PRCP: variants seen among roughly 807,000 people sequenced by gnomAD.
PRCP encodes lysosomal Pro-X carboxypeptidase.
PRCP carries 46 observed loss-of-function variants against 54.2 expected under a neutral mutation model. The observed-to-expected ratio is 0.85, with a 90% CI of 0.67 to 1.09. PRCP has a LOEUF of 1.09. Among genes scored for constraint, PRCP ranks in the 50% least tolerant of loss-of-function variants. The probability of loss-of-function intolerance (pLI) is 0.00; values close to 1 mark genes in which losing one functional copy is unlikely to be tolerated. For synonymous variants in PRCP, 240 were observed against 212.2 expected, an observed-to-expected ratio of 1.13 and a Z score of -1.14; for missense variants, 613 against 596.8, an observed-to-expected ratio of 1.03 and a Z score of -0.28.
At chr11:82,890,544 C>A (rs1054497792) in intron 1 of PRCP, among the ~76,000 whole-genome samples, 14 of 152,176 alleles carry the variant, frequency 9.2e-5, no homozygotes, top group Admixed American at 7.9e-4. Context: ...TTTCCCTTAG[C>A]ATACATTCGA....
At chr11:82,900,660 G>A (rs780158216), upstream of PRCP, 2 of 640,932 alleles carry the variant, frequency 3.1e-6, no homozygotes, top group South Asian at 3.0e-5. Context: ...CCTTCATTGC[G>A]GTCACACCCC....
At chr11:82,875,557 T>A (rs1859583360) in intron 1 of PRCP, among the ~76,000 whole-genome samples, 1 of 152,212 alleles carries the variant, frequency 6.6e-6, no homozygotes, top group Admixed American at 6.5e-5. Flanking sequence ...AAGACAAGGC[T>A]CTTTCATCGT....
intron 6 of PRCP, among the ~76,000 whole-genome samples, chr11:82,848,582 T>C (rs1017861019): frequency 6.6e-6 from 1 of 152,230 alleles, no homozygotes; most frequent in African/African-American, 2.4e-5. Flanking sequence ...GGGGTCACTC[T>C]TCACACTGAG....
chr11:82,829,113 C>G (rs1024540743), intron 8 of PRCP: 4 of 152,308 alleles, frequency 2.6e-5, no homozygotes, highest in Middle Eastern at 6.8e-3. Context: ...AGCCTTTTAA[C>G]TGATCTTCCT....
At chr11:82,881,049 C>A (rs1475151998) in intron 1 of PRCP, among the ~76,000 whole-genome samples, 1 of 152,174 alleles carries the variant, frequency 6.6e-6, no homozygotes, top group East Asian at 1.9e-4. Context: ...GCTTTTGCTT[C>A]CAGGTCTTAC....
chr11:82,835,840 C>T, intron 8 of PRCP: 1 of 501,296 alleles, frequency 2.0e-6, no homozygotes, highest in East Asian at 5.5e-5. Context: ...AGGACCTTGA[C>T]ATTATGCTTG....
At chr11:82,893,593 A>C (rs1486182166) in intron 1 of PRCP, among the ~76,000 whole-genome samples, 1 of 152,122 alleles carries the variant, frequency 6.6e-6, no homozygotes, top group African/African-American at 2.4e-5. Flanking sequence ...AGAGTTCAAG[A>C]CCAGCCTGGG....
rs190839493 is a variant in PRCP at position 82,833,023 on chromosome 11, C to T, written c.1274+5364G>A. 1.4e-4 allele frequency among the ~76,000 whole-genome samples: 21 copies of T among 152,272 alleles called. No homozygotes were observed. In the East Asian group the frequency reaches 3.9e-3, roughly 28 times the overall value. ...GACTTGCCACTGCTAAAAGATAAACCAGCATCTTTACACAGTCTTGCCTTT... is the reference window on the plus strand; with the variant it reads ...GACTTGCCACTGCTAAAAGATAAACTAGCATCTTTACACAGTCTTGCCTTT... On this transcript the variant is annotated intron_variant, in intron 8 of 8. Coordinates refer to ENST00000313010, the MANE Select transcript of PRCP (RefSeq NM_005040.4).
In PRCP at chr11:82,838,445, A is replaced by G. The variant is rs1437186759; in HGVS notation, c.1216T>C (p.Trp406Arg). 2 of 1,613,946 alleles carry G rather than the reference A, an allele frequency of 1.2e-6. No individual in the cohort carries two copies. The highest frequency in any genetic ancestry group is 1.7e-6 in the Non-Finnish European group (2 of 1,179,954). Reference sequence around the variant, plus strand: ...TTGCCTCCATACATAGTAGTGATCCAGGAGGGCCTTGGTCTCACACCCCAC... The same window carrying G: ...TTGCCTCCATACATAGTAGTGATCCGGGAGGGCCTTGGTCTCACACCCCAC... Reference protein sequence around the residue: ...QQWGVRPRPSWITTMYGGKNI... With the variant: ...QQWGVRPRPSRITTMYGGKNI... Residue 406 changes from tryptophan to arginine, a missense_variant, in exon 8 of 9, where the codon TGG (tryptophan) becomes CGG (arginine). Trp to Arg is a moderately radical substitution (Grantham distance 101). Transcript: ENST00000313010.
intron 1 of PRCP, among the ~76,000 whole-genome samples, chr11:82,864,221 C>A (rs1010340763): frequency 6.6e-6 from 1 of 152,208 alleles, no homozygotes; most frequent in Non-Finnish European, 1.5e-5. Context: ...GAGTGCTTCA[C>A]CTAGGTGCTA....
chr11:82,841,750 A>AT (rs1802770954), intron 6 of PRCP, among the ~76,000 whole-genome samples: 1 of 152,174 alleles, frequency 6.6e-6, no homozygotes, highest in Non-Finnish European at 1.5e-5. Context: ...GCAACTCTCG[A>AT]TTTTTCATGG....
At chr11:82,844,501 C>T (rs1295244203) in intron 6 of PRCP, among the ~76,000 whole-genome samples, 2 of 152,046 alleles carry the variant, frequency 1.3e-5, no homozygotes, top group African/African-American at 4.8e-5. Context: ...CTTTGGGAGG[C>T]TGAGGCGGGT....
Position 82,825,056 on chromosome 11 carries a change from T to A in PRCP, c.1341A>T (p.Ala447=). The change falls in exon 9 of 9, where the codon GCA becomes GCT. Residue 447 remains alanine (A), a synonymous_variant. Coordinates refer to ENST00000313010, the MANE Select transcript of PRCP (RefSeq NM_005040.4). Reference sequence around the variant, plus strand: ...GGTGGGCCCCCTCTGAGATGGTGACTGCAACCAGAGTGTCTGTGATATCCT... The same window carrying A: ...GGTGGGCCCCCTCTGAGATGGTGACAGCAACCAGAGTGTCTGTGATATCCT... ...VTKDITDTLV[A]VTISEGAHHL... 6.2e-7 allele frequency: 1 copy of A among 1,614,124 alleles called. No individual in the cohort carries two copies.
chr11:82,848,126 G>C lies in PRCP; in HGVS notation c.921+923C>G, dbSNP rs541935106. Among the ~76,000 whole-genome samples the C allele has an allele frequency of 4.6e-5, 7 of 152,298 alleles. No individual in the cohort carries two copies. In the East Asian group the frequency reaches 1.4e-3, roughly 29 times the overall value. ...ATTCAAAGGGGTGGTTAAATTAAAA[G>C]TGCATTTGAAACCCGGCTCTATATC... is the stretch of plus-strand genomic sequence containing the variant. On this transcript the variant is annotated intron_variant, in intron 6 of 8. Coordinates refer to ENST00000313010, the MANE Select transcript of PRCP (RefSeq NM_005040.4).
chr11:82,849,788 T>C, intron 5 of PRCP, 126 bp downstream of exon 5: 1 of 873,514 alleles, frequency 1.1e-6, no homozygotes, highest in Non-Finnish European at 1.6e-6. Flanking sequence ...TTGATTTTGA[T>C]TTGTATAATT....
At chr11:82,894,891 T>C (rs1188407714) in intron 1 of PRCP, among the ~76,000 whole-genome samples, 1 of 152,170 alleles carries the variant, frequency 6.6e-6, no homozygotes, top group African/African-American at 2.4e-5. Context: ...TTATCAACAC[T>C]TAAAATAGCA....
chr11:82,846,411 A>T (rs886430017), intron 6 of PRCP, among the ~76,000 whole-genome samples: 1 of 152,020 alleles, frequency 6.6e-6, no homozygotes, highest in Non-Finnish European at 1.5e-5. Flanking sequence ...ATGAAATTGG[A>T]AACAGAGGCA....
intron 1 of PRCP, among the ~76,000 whole-genome samples, chr11:82,877,171 A>C (rs2121227775): frequency 6.6e-6 from 1 of 152,362 alleles, no homozygotes; most frequent in East Asian, 1.9e-4. Flanking sequence ...GGTATCTGGC[A>C]GAAGAAATTT....
chr11:82,867,155 A>T (rs1227440355), intron 1 of PRCP, among the ~76,000 whole-genome samples: 1 of 152,236 alleles, frequency 6.6e-6, no homozygotes, highest in Non-Finnish European at 1.5e-5. Flanking sequence ...GCTTGAGAAA[A>T]TATGAGAAGC....
Sources: gnomAD v4.1 joint callset for allele counts (sites outside exome capture counted in the v4.1 genomes callset) on GRCh38, gnomAD v4.1.1 for gene constraint, MANE v1.5 for transcripts, NCBI Gene and HGNC (gene_info 2026-07-23, HGNC 2026-07-21) for gene names.